LYRM4: variants seen among roughly 807,000 people sequenced by gnomAD.
LYRM4 encodes the protein LYR motif-containing protein 4.
Under a neutral mutation model 11.7 loss-of-function variants are expected in LYRM4, and 9 were observed. That is an observed-to-expected ratio of 0.77 (90% confidence interval 0.46 to 1.34). The LOEUF (loss-of-function observed/expected upper bound fraction) is 1.34. LYRM4 is among the 40% of genes most tolerant of loss of function. The pLI, the probability that LYRM4 is intolerant of heterozygous loss-of-function variation, is 0.00. For synonymous variants in LYRM4, 42 were observed against 40.4 expected (o/e 1.04, Z -0.15); for missense variants, 133 against 112.5 (o/e 1.18, Z -0.82).
intron 2 of LYRM4, chr6:5,148,253 T>G (rs1380595846): frequency 1.3e-5 from 2 of 153,752 alleles, no homozygotes; most frequent in African/African-American, 4.8e-5. Context: ...GAGGAGAGGA[T>G]GACGCAGACT....
Position 5,260,677 on chromosome 6 carries a change from C to A in LYRM4, c.57G>T (p.Glu19Asp). 1 of 1,537,740 alleles carries A rather than the reference C, an allele frequency of 6.5e-7. No homozygotes were observed. The highest frequency in any genetic ancestry group is 1.4e-5 in the African/African-American group (1 of 72,998). ...AATTGTAGGCGCTGAAACGCTTGCT[C>A]TCTCTCAGCATCGCCCGGTACAGAG... ...VLSLYRAMLR[E>D]SKRFSAYNYR... is the part of the protein sequence containing the mutation. The change falls in exon 1 of 3, where the codon GAG becomes GAT. Residue 19 changes from glutamate to aspartate, a missense_variant. Transcript: ENST00000330636.
At chr6:5,097,685 T>C in the LYRM4 span, among the ~76,000 whole-genome samples, 5 of 152,168 alleles carry the variant, frequency 3.3e-5, no homozygotes, top group African/African-American at 1.2e-4. Context: ...AATCTATTCA[T>C]GATGGCAGAG....
chr6:5,182,652 G>C (rs1760145604), intron 2 of LYRM4, among the ~76,000 whole-genome samples: 1 of 152,222 alleles, frequency 6.6e-6, no homozygotes, highest in African/African-American at 2.4e-5. Context: ...GGAGAGCCCA[G>C]GGGCTCAGAA....
the LYRM4 span, among the ~76,000 whole-genome samples, chr6:5,079,497 G>A: frequency 2.6e-5 from 4 of 152,158 alleles, no homozygotes; most frequent in Non-Finnish European, 5.9e-5. Flanking sequence ...GTGCCAAAAT[G>A]GCATATTTTG....
chr6:5,252,260 T>C (rs765658284), intron 1 of LYRM4, among the ~76,000 whole-genome samples: 11 of 152,128 alleles, frequency 7.2e-5, no homozygotes, highest in Non-Finnish European at 1.6e-4. Flanking sequence ...AAGAATGGGG[T>C]TGTGGAAGCG....
intron 2 of LYRM4, among the ~76,000 whole-genome samples, chr6:5,202,253 A>T (rs554391028): frequency 3.3e-5 from 5 of 152,386 alleles, no homozygotes; most frequent in South Asian, 2.1e-4. Flanking sequence ...CATACATAGA[A>T]TTCTCCCACA....
intron 2 of LYRM4, among the ~76,000 whole-genome samples, chr6:5,140,003 G>A (rs1014750915): frequency 1.3e-5 from 2 of 151,560 alleles, no homozygotes; most frequent in Non-Finnish European, 2.9e-5. Flanking sequence ...CCAGGCTGAG[G>A]CAGGTGGATC....
intron 2 of LYRM4, among the ~76,000 whole-genome samples, chr6:5,204,734 T>C (rs186258115): frequency 2.6e-5 from 4 of 152,318 alleles, no homozygotes; most frequent in Admixed American, 2.6e-4. Flanking sequence ...CCGTGACTTG[T>C]GTTTCTTTTT....
intron 2 of LYRM4, among the ~76,000 whole-genome samples, chr6:5,118,094 A>ATATATATATATATATATATATATATTTTT: frequency 4.6e-5 from 4 of 86,114 alleles, no homozygotes; most frequent in Admixed American, 2.4e-4. Flanking sequence ...ATATATATAT[A>ATATATATATATATATATATATATATTTTT]TTTTTGTTTT....
At chr6:5,242,822 G>A (rs1033127695) in intron 1 of LYRM4, among the ~76,000 whole-genome samples, 7 of 148,832 alleles carry the variant, frequency 4.7e-5, no homozygotes, top group Non-Finnish European at 8.9e-5. Flanking sequence ...GCCGGACTGC[G>A]GACTGCAGTG....
intron 1 of LYRM4, among the ~76,000 whole-genome samples, chr6:5,258,763 C>T (rs1322570712): frequency 2.0e-5 from 3 of 152,062 alleles, no homozygotes; most frequent in Non-Finnish European, 4.4e-5. Context: ...AAAGTATATG[C>T]TTAAGGTATA....
chr6:5,125,557 C>A (rs1471699209), intron 2 of LYRM4, among the ~76,000 whole-genome samples: 1 of 152,146 alleles, frequency 6.6e-6, no homozygotes, highest in African/African-American at 2.4e-5. Flanking sequence ...CAGGGCAAGC[C>A]CTGGCAGAAG....
chr6:5,113,971 T>A (rs1763005146), intron 2 of LYRM4, among the ~76,000 whole-genome samples: 2 of 152,246 alleles, frequency 1.3e-5, no homozygotes, highest in African/African-American at 2.4e-5. Flanking sequence ...CTGCCCAGCA[T>A]CCATCTCTCC....
chr6:5,240,451 A>C (rs1361785365), intron 1 of LYRM4: 1 of 152,252 alleles, frequency 6.6e-6, no homozygotes, highest in Non-Finnish European at 1.5e-5. Flanking sequence ...TAAGAAATCT[A>C]AAACAATAGC....
In LYRM4 at chr6:5,109,166, G is replaced by A. The variant is rs1678673506; in HGVS notation, c.*257C>T. 7.5e-7 allele frequency: 1 copy of A among 1,335,616 alleles called. No homozygotes were observed. The highest frequency in any genetic ancestry group is 2.8e-5 in the East Asian group (1 of 35,990). The allele number at this position is 1,335,616 out of a possible 1,614,324, so 82.7% of individuals were successfully genotyped here. A position where few individuals can be genotyped will look rare whatever the true frequency, so the allele number is the denominator to read the frequency against. ...ATGAGCTACAAGGTAGGAATGGGGT[G>A]CAGGGGAGACGTGGTAACACACAGC... On this transcript the variant is annotated 3_prime_UTR_variant, in exon 3 of 3. Coordinates refer to ENST00000330636, the MANE Select transcript of LYRM4 (RefSeq NM_020408.6).
chr6:5,167,826 CTTTT>C (rs1377497251), intron 2 of LYRM4, among the ~76,000 whole-genome samples: 1 of 151,734 alleles, frequency 6.6e-6, no homozygotes, highest in African/African-American at 2.4e-5. Flanking sequence ...GGGTATACAC[CTTTT>C]TTTGTTTGCT....
chr6:5,037,764 G>C, the LYRM4 span, among the ~76,000 whole-genome samples: 1 of 57,882 alleles, frequency 1.7e-5, no homozygotes, highest in African/African-American at 4.5e-5. Context: ...AGGGGCGGCC[G>C]GGCAGAGGCG....
At chr6:5,153,041 A>G (rs938662887) in intron 2 of LYRM4, among the ~76,000 whole-genome samples, 5 of 152,202 alleles carry the variant, frequency 3.3e-5, no homozygotes, top group African/African-American at 1.2e-4. Context: ...GTGTCCCAGG[A>G]CTGTCACAAT....
At chr6:5,194,694 C>T (rs1444590943) in intron 2 of LYRM4, among the ~76,000 whole-genome samples, 1 of 152,138 alleles carries the variant, frequency 6.6e-6, no homozygotes, top group Non-Finnish European at 1.5e-5. Context: ...ATGGCTAAAT[C>T]AGAAAATTAG....
Sources: allele counts gnomAD v4.1 joint callset (sites outside exome capture counted in the v4.1 genomes callset), GRCh38; gene constraint gnomAD v4.1.1; transcripts MANE v1.5; gene names NCBI Gene and HGNC (gene_info 2026-07-23, HGNC 2026-07-21).